The following CARD8 variants were observed in gnomAD, a reference collection of about 807,000 sequenced individuals.
CARD8 encodes caspase recruitment domain-containing protein 8.
CARD8 carries 38 observed loss-of-function variants against 53.2 expected under a neutral mutation model. The observed-to-expected ratio is 0.71, with a 90% CI of 0.55 to 0.94. The LOEUF (loss-of-function observed/expected upper bound fraction) is 0.94, where lower values mean the gene tolerates loss of function less well. Ranked by LOEUF, CARD8 falls within the 40% of genes least tolerant of loss-of-function variation. The pLI, the probability that CARD8 is intolerant of heterozygous loss-of-function variation, is 0.00. For missense variants in CARD8, 561 were observed against 655.5 expected, an observed-to-expected ratio of 0.86 and a Z score of 1.57; for synonymous variants, 245 against 244.9, an observed-to-expected ratio of 1.00 and a Z score of 0.00.
chr19:48,254,877 T>C (rs2047400764), intron 1 of CARD8, among the ~76,000 whole-genome samples: 1 of 152,226 alleles, frequency 6.6e-6, no homozygotes, highest in Non-Finnish European at 1.5e-5. Flanking sequence ...TATATATTTC[T>C]GCAAGGAATG....
downstream of CARD8, among the ~76,000 whole-genome samples, chr19:48,205,551 T>A (rs1305464763): frequency 6.6e-6 from 1 of 151,984 alleles, no homozygotes; most frequent in East Asian, 1.9e-4. Context: ...GTTAAACAGA[T>A]AATATATAAT....
intron 12 of CARD8, among the ~76,000 whole-genome samples, chr19:48,217,046 T>A (rs558016372): frequency 6.6e-6 from 1 of 151,984 alleles, no homozygotes; most frequent in African/African-American, 2.4e-5. Flanking sequence ...GCACCCTAGA[T>A]CCCTCGCCTG....
In CARD8 at chr19:48,234,540, T is replaced by C; in HGVS notation, c.213A>G (p.Val71=). 8 of 1,612,138 alleles carry C rather than the reference T, an allele frequency of 5.0e-6. No homozygotes were observed. The highest frequency in any genetic ancestry group is 3.3e-5 in the South Asian group (3 of 90,898). Residue 71 remains valine, a synonymous_variant, in exon 6 of 14, where the codon GTA becomes GTG. Transcript: ENST00000651546. ...CAGAAACACAGGGTAGCTCCCTGTA[T>C]ACCCTGGAAAACAACAACAGAATTT... ...QAEACVTNDT[V]YRELPCVSET...
chr19:48,212,012 T>C (rs2008521), intron 13 of CARD8, 37 bp from the exon 14 acceptor site: 1,415,729 of 1,595,870 alleles, frequency 0.89, 629,741 homozygotes, highest in South Asian at 0.91. Flanking sequence ...TTGAGAATCG[T>C]TCACTTACAG....
downstream of CARD8, among the ~76,000 whole-genome samples, chr19:48,204,427 G>A (rs748132285): frequency 6.6e-6 from 1 of 152,090 alleles, no homozygotes; most frequent in Non-Finnish European, 1.5e-5. Flanking sequence ...TATGTAATAA[G>A]GAGATTTGGG....
In CARD8 at chr19:48,221,798, T is replaced by C. The variant is rs140600610; in HGVS notation, c.1093A>G (p.Met365Val). Residue 365 changes from methionine (M) to valine (V), a missense_variant, in exon 11 of 14, where the codon ATG (methionine) becomes GTG (valine). Physicochemically the swap from Met to Val is conservative, Grantham distance 21. Coordinates refer to ENST00000651546, the MANE Select transcript of CARD8 (RefSeq NM_001184900.3). ...CTGGAACCAAAGTTCAGGGGTTCCA[T>C]TGGGGGCGAAGTCTGCAGGCGCACA... Reference protein sequence around the residue: ...HGVRLQTSPPMEPLNFGSSYI... With the variant: ...HGVRLQTSPPVEPLNFGSSYI... 1.7e-4 allele frequency: 268 copies of C among 1,610,118 alleles called. No homozygotes were observed. Among genetic ancestry groups the C allele is most frequent in the Middle Eastern group, 5.0e-4 (3 of 6,042 alleles).
rs2037987237 is a variant in CARD8, at chr19:48,211,661, C to T, written c.*49G>A. On this transcript the variant is annotated 3_prime_UTR_variant, in exon 14 of 14. Transcript: ENST00000651546. ...TGATCACATTTCTGTTTATCCATTT[C>T]CAATGAGAACGCTGGATTCTCTCTT... 6.4e-7 allele frequency: 1 copy of T among 1,556,328 alleles called. No individual in the cohort carries two copies. The highest frequency in any genetic ancestry group is 8.8e-7 in the Non-Finnish European group (1 of 1,139,976).
chr19:48,244,431 GAGGA>G (rs2045762196), intron 3 of CARD8, among the ~76,000 whole-genome samples: 1 of 152,210 alleles, frequency 6.6e-6, no homozygotes, highest in African/African-American at 2.4e-5. Context: ...GAGGAACAGG[GAGGA>G]AGTGCAGAGT....
chr19:48,255,357 T>A (rs9676812), intron 1 of CARD8, among the ~76,000 whole-genome samples: 6,997 of 152,174 alleles, frequency 0.046, 186 homozygotes, highest in South Asian at 0.073. Context: ...AGAGCGAGAC[T>A]CCATCTCAAA....
intron 1 of CARD8, among the ~76,000 whole-genome samples, chr19:48,254,731 CTTATG>C (rs777391926): frequency 1.3e-5 from 2 of 152,116 alleles, no homozygotes; most frequent in African/African-American, 2.4e-5. Flanking sequence ...AATGGAGTCA[CTTATG>C]TTAAGATAAC....
downstream of CARD8, among the ~76,000 whole-genome samples, chr19:48,205,835 A>G (rs1054170495): frequency 1.3e-5 from 2 of 152,202 alleles, no homozygotes; most frequent in African/African-American, 4.8e-5. Flanking sequence ...AGAGAGTAGT[A>G]GTAAGGTATA....
chr19:48,227,886 C>T (rs1387739922), intron 10 of CARD8, among the ~76,000 whole-genome samples: 1 of 152,060 alleles, frequency 6.6e-6, no homozygotes, highest in Non-Finnish European at 1.5e-5. Flanking sequence ...AGCAGAGATC[C>T]CCAACACCCG....
At position 48,209,955 on chromosome 19, in the gene CARD8, A is replaced by G. The variant is rs1467257344; in HGVS notation, c.*1755T>C. ...ATAAAGATGAAAATCAGGCTAATAA[A>G]AAGTATTTTTAGAAATTAGGCTGAA... is the stretch of plus-strand genomic sequence containing the variant. On this transcript the variant is annotated 3_prime_UTR_variant, in exon 14 of 14. Transcript: ENST00000651546. The G allele has an allele frequency of 2.0e-5, 3 of 152,230 alleles. No homozygotes were observed. Among genetic ancestry groups the G allele is most frequent in the Non-Finnish European group, 4.4e-5 (3 of 68,028 alleles). The allele number at this position is 152,230 out of a possible 1,614,324, so 9.4% of individuals were successfully genotyped here.
rs146948626 is a variant in CARD8 at position 48,222,081 on chromosome 19, G to T, written c.1036-226C>A. Reference sequence around the variant, plus strand: ...ACATATTGATGAAATTTTACTGAAAGATATCTCAGGGCCAAAGGATTTCTT... The same window carrying T: ...ACATATTGATGAAATTTTACTGAAATATATCTCAGGGCCAAAGGATTTCTT... On this transcript the variant is annotated intron_variant, in intron 10 of 13. Transcript: ENST00000651546. Among the ~76,000 whole-genome samples, 20 of 152,288 alleles carry T rather than the reference G, an allele frequency of 1.3e-4. No homozygotes were observed. In the East Asian group the frequency reaches 2.9e-3, roughly 22 times the overall value.
At position 48,224,746 on chromosome 19, in the gene CARD8, T is replaced by C. The variant is rs575298907; in HGVS notation, c.1036-2891A>G. ...TTTCAAGAGGTACCTACAACAGGCC[T>C]CACCTTGTGCTTTTTTTTTTTTTTT... is the stretch of plus-strand genomic sequence containing the variant. On this transcript the variant is annotated intron_variant, in intron 10 of 13. Transcript: ENST00000651546. Among the ~76,000 whole-genome samples, 9 of 140,466 alleles carry C rather than the reference T, an allele frequency of 6.4e-5. No individual in the cohort carries two copies. In the South Asian group the frequency reaches 2.1e-3, roughly 33 times the overall value. The allele number at this position is 140,466 out of a possible 152,430, so 92.2% of individuals were successfully genotyped here. A position where few individuals can be genotyped will look rare whatever the true frequency, so the allele number is the denominator to read the frequency against.
At chr19:48,223,664 C>T in intron 10 of CARD8, 1 of 315,996 alleles carries the variant, frequency 3.2e-6, no homozygotes, top group Non-Finnish European at 6.3e-6. Context: ...AAATCCATAT[C>T]ACATTGCTAG....
intron 12 of CARD8, among the ~76,000 whole-genome samples, chr19:48,216,626 G>A: frequency 6.6e-6 from 1 of 152,242 alleles, no homozygotes; most frequent in East Asian, 1.9e-4. Flanking sequence ...GCACAGCCAT[G>A]AAGCTGATCT....
At position 48,211,472 on chromosome 19, in the gene CARD8, T is replaced by C. The variant is rs1296332587; in HGVS notation, c.*238A>G. 2.1e-6 allele frequency: 1 copy of C among 475,072 alleles called. No individual in the cohort carries two copies. The highest frequency in any genetic ancestry group is 3.8e-6 in the Non-Finnish European group (1 of 266,624). The allele number at this position is 475,072 out of a possible 1,614,324, so 29.4% of individuals were successfully genotyped here. A position where few individuals can be genotyped will look rare whatever the true frequency, so the allele number is the denominator to read the frequency against. On this transcript the variant is annotated 3_prime_UTR_variant, in exon 14 of 14. Coordinates refer to ENST00000651546, the MANE Select transcript of CARD8 (RefSeq NM_001184900.3). ...GATAAAATAGTGATATATCAAGCAA[T>C]GGTTGGAAAAAATTTAAAAGGAATA...
chr19:48,221,008 A>AGGAAAAAG (rs1555806506), intron 11 of CARD8, among the ~76,000 whole-genome samples: 9 of 122,038 alleles, frequency 7.4e-5, no homozygotes, highest in Non-Finnish European at 1.3e-4. Flanking sequence ...GAAAGAAAGA[A>AGGAAAAAG]AAAGAAAGAA....
Sources: allele counts gnomAD v4.1 joint callset (sites outside exome capture counted in the v4.1 genomes callset), GRCh38; gene constraint gnomAD v4.1.1; transcripts MANE v1.5; gene names NCBI Gene and HGNC (gene_info 2026-07-23, HGNC 2026-07-21).